COMT: variants seen among roughly 807,000 people sequenced by gnomAD.
The protein encoded by COMT is catechol-O-methyltransferase, also known as catechol O-methyltransferase.
Under a neutral mutation model 18.9 loss-of-function variants are expected in COMT, and 13 were observed. The ratio of observed to expected loss-of-function variants is 0.69; its 90% CI spans 0.45 to 1.09. COMT has a LOEUF of 1.09. Ranked by LOEUF, COMT falls within the 50% of genes least tolerant of loss-of-function variation. The pLI, the probability that COMT is intolerant of heterozygous loss-of-function variation, is 0.00. For synonymous variants in COMT, 150 were observed against 160.9 expected, an observed-to-expected ratio of 0.93 and a Z score of 0.51; for missense variants, 329 against 361.8, an observed-to-expected ratio of 0.91 and a Z score of 0.73.
chr22:19,946,934 G>A (rs1356646652), intron 1 of COMT, among the ~76,000 whole-genome samples: 2 of 29,770 alleles, frequency 6.7e-5, no homozygotes, highest in East Asian at 9.4e-4. Flanking sequence ...TTTTTTTTTT[G>A]AGACAGAGTC....
chr22:19,959,674 C>A (rs1052582719), intron 1 of COMT, among the ~76,000 whole-genome samples: 23 of 136,020 alleles, frequency 1.7e-4, no homozygotes, highest in African/African-American at 7.3e-4. Context: ...GGAATCCCAG[C>A]GCTCTTCTCC....
At chr22:19,955,820 C>T (rs1393011718) in intron 1 of COMT, among the ~76,000 whole-genome samples, 2 of 152,238 alleles carry the variant, frequency 1.3e-5, no homozygotes, top group African/African-American at 4.8e-5. Context: ...AGTGGCCTTT[C>T]CGAGGGTCAC....
In COMT at chr22:19,969,706, T is replaced by A; in HGVS notation, c.*970T>A. ...CCCCCAGCCAGCCCACTCCTATGGA[T>A]AGACAGACCAGTGAGCCCAAGTGGA... On this transcript the variant is annotated 3_prime_UTR_variant, in exon 6 of 6. Coordinates refer to ENST00000361682, the MANE Select transcript of COMT (RefSeq NM_000754.4). 2.3e-6 allele frequency: 1 copy of A among 439,028 alleles called. No individual in the cohort carries two copies. The highest frequency in any genetic ancestry group is 3.0e-6 in the Non-Finnish European group (1 of 332,118). 27.2% of individuals were successfully genotyped at this position (439,028 alleles called of 1,614,324 possible). A position where few individuals can be genotyped will look rare whatever the true frequency, so the allele number is the denominator to read the frequency against.
intron 2 of COMT, chr22:19,962,167 C>T: frequency 8.5e-6 from 3 of 353,860 alleles, no homozygotes; most frequent in South Asian, 2.8e-5. Context: ...CCCTGGGTGT[C>T]CTCTAAGCCA....
intron 1 of COMT, among the ~76,000 whole-genome samples, chr22:19,949,032 G>A (rs896676185): frequency 6.6e-6 from 1 of 150,864 alleles, no homozygotes. Context: ...GTCAATTCTA[G>A]CCAGCTTTGA....
intron 1 of COMT, among the ~76,000 whole-genome samples, chr22:19,953,110 G>A (rs1263021823): frequency 6.6e-6 from 1 of 152,164 alleles, no homozygotes; most frequent in Admixed American, 6.5e-5. Context: ...GGAGTGTGAT[G>A]GGGGAGTCTT....
chr22:19,962,424 T>A, intron 2 of COMT, 103 bp from the exon 3 acceptor site: 1 of 1,515,656 alleles, frequency 6.6e-7, no homozygotes, highest in Non-Finnish European at 8.8e-7. Flanking sequence ...ACCTTGCCCC[T>A]CTGCAAACAC....
chr22:19,967,072 G>A (rs1472918974), intron 5 of COMT: 7 of 1,223,562 alleles, frequency 5.7e-6, no homozygotes, highest in Non-Finnish European at 7.4e-6. Context: ...CTCTTGACCA[G>A]TTTCGTAAAG....
At position 19,946,913 on chromosome 22, in the gene COMT, T is replaced by G. The variant is rs140601297; in HGVS notation, c.-92+5016T>G. ...CATTAAAAAAAATTTTTTTTTAGTT[T>G]TTTTTTTTTTTTTTTTTTTTGAGAC... On this transcript the variant is annotated intron_variant, in intron 1 of 5. Transcript: ENST00000361682. Among the ~76,000 whole-genome samples the G allele has an allele frequency of 9.4e-4, 132 of 141,050 alleles. 7 individuals are homozygous for G. The highest frequency in any genetic ancestry group is 7.1e-3 in the Middle Eastern group (2 of 280). The allele number at this position is 141,050 out of a possible 152,430, so 92.5% of individuals were successfully genotyped here.
At chr22:19,963,271 A>T in intron 3 of COMT, 1 of 572,224 alleles carries the variant, frequency 1.7e-6, no homozygotes, top group Non-Finnish European at 3.1e-6. Context: ...GTGTTAGGAC[A>T]CACTGGGGCC....
intron 1 of COMT, among the ~76,000 whole-genome samples, chr22:19,953,138 C>T (rs5993887): frequency 0.48 from 72,454 of 151,726 alleles, 17,621 homozygotes; most frequent in Middle Eastern, 0.57. Context: ...GCTGCTGCCA[C>T]GGTGGGCCTC....
intron 2 of COMT, chr22:19,961,556 G>C (rs1942193042): frequency 6.6e-6 from 1 of 152,306 alleles, no homozygotes; most frequent in African/African-American, 2.4e-5. Context: ...CTCCTTGCCT[G>C]GGTGTGCCTT....
At chr22:19,946,323 C>T (rs1941835048) in intron 1 of COMT, among the ~76,000 whole-genome samples, 3 of 152,008 alleles carry the variant, frequency 2.0e-5, no homozygotes, top group South Asian at 4.2e-4. Flanking sequence ...CCTGTCTCTA[C>T]CAAAAAATAC....
chr22:19,966,431 C>A (rs528932065), intron 5 of COMT, among the ~76,000 whole-genome samples: 2 of 91,992 alleles, frequency 2.2e-5, no homozygotes, highest in Admixed American at 1.1e-4. Flanking sequence ...GAATGAGTTC[C>A]CCCTTAAAAA....
At chr22:19,962,861 G>A (rs1159010662) in intron 3 of COMT, 46 bp downstream of exon 3, 4 of 1,571,846 alleles carry the variant, frequency 2.5e-6, no homozygotes, top group Middle Eastern at 3.5e-4. Context: ...CAGGGACCCA[G>A]GACCAGGCAT....
At chr22:19,960,976 G>A (rs1942179411) in intron 1 of COMT, among the ~76,000 whole-genome samples, 2 of 152,218 alleles carry the variant, frequency 1.3e-5, no homozygotes, top group South Asian at 4.1e-4. Context: ...TGCCCCTGGG[G>A]TCCCTGGCTG....
chr22:19,967,077 G>T (rs1197431036), intron 5 of COMT: 1 of 1,227,058 alleles, frequency 8.1e-7, no homozygotes, highest in Non-Finnish European at 1.0e-6. Context: ...GACCAGTTTC[G>T]TAAAGGAGTG....
At chr22:19,959,774 G>A (rs543896821) in intron 1 of COMT, among the ~76,000 whole-genome samples, 2 of 138,706 alleles carry the variant, frequency 1.4e-5, no homozygotes, top group Non-Finnish European at 3.1e-5. Flanking sequence ...TGGCCTTTGA[G>A]CCTTTGGCCT....
chr22:19,955,495 C>T (rs1223907952), intron 1 of COMT, among the ~76,000 whole-genome samples: 1 of 152,272 alleles, frequency 6.6e-6, no homozygotes, highest in Non-Finnish European at 1.5e-5. Flanking sequence ...CTTCTTGCAG[C>T]AGTTCCAGCC....
Sources: gnomAD v4.1 joint callset for allele counts (sites outside exome capture counted in the v4.1 genomes callset) on GRCh38, gnomAD v4.1.1 for gene constraint, MANE v1.5 for transcripts, NCBI Gene and HGNC (gene_info 2026-07-23, HGNC 2026-07-21) for gene names.